CCNB2: variants seen among roughly 807,000 people sequenced by gnomAD.
CCNB2 encodes G2/mitotic-specific cyclin-B2.
A neutral mutation model predicts 51.1 loss-of-function variants in CCNB2; 39 were observed. The observed-to-expected ratio is 0.76, with a 90% CI of 0.59 to 1.00. The LOEUF is 1.00. CCNB2 is among the 50% of genes least tolerant of loss of function. CCNB2 has a pLI of 0.00. For synonymous variants in CCNB2, 174 were observed against 165.5 expected (o/e 1.05, Z -0.40); for missense variants, 472 against 470.3 (o/e 1.00, Z -0.03).
At chr15:59,110,471 G>C (rs182562429) in intron 3 of CCNB2, among the ~76,000 whole-genome samples, 271 of 152,328 alleles carry the variant, frequency 1.8e-3, no homozygotes, top group Middle Eastern at 6.8e-3. Flanking sequence ...CTCTCTGCCT[G>C]CCTGTCTCTG....
At chr15:59,123,322 C>G (rs2079311280) in intron 7 of CCNB2, among the ~76,000 whole-genome samples, 195 bp from the exon 8 acceptor site, 1 of 152,204 alleles carries the variant, frequency 6.6e-6, no homozygotes, top group Non-Finnish European at 1.5e-5. Context: ...AATCATCTTG[C>G]ATTTACCAGC....
At chr15:59,119,476 A>C (rs1043881392) in intron 7 of CCNB2, among the ~76,000 whole-genome samples, 1 of 141,238 alleles carries the variant, frequency 7.1e-6, no homozygotes. Flanking sequence ...AAAAAAAAAA[A>C]ACAAATCTGT....
chr15:59,116,905 G>T lies in CCNB2; in HGVS notation c.813G>T (p.Arg271Ser). Reference sequence around the variant, plus strand: ...GACCCTTGCCACTACACTTCTTAAGGCGAGCATCAAAAGCCGGGGAGGTAA... The same window carrying T: ...GACCCTTGCCACTACACTTCTTAAGTCGAGCATCAAAAGCCGGGGAGGTAA... ...LGRPLPLHFL[R>S]RASKAGEVDV... The change falls in exon 6 of 9, where the codon AGG becomes AGT. Residue 271 changes from arginine to serine, a missense_variant. Transcript: ENST00000288207. 6.2e-7 allele frequency: 1 copy of T among 1,613,748 alleles called. No homozygotes were observed. The highest frequency in any genetic ancestry group is 1.3e-5 in the African/African-American group (1 of 75,010).
intron 7 of CCNB2, among the ~76,000 whole-genome samples, chr15:59,121,772 A>G (rs1322950809): frequency 6.6e-6 from 1 of 151,984 alleles, no homozygotes; most frequent in African/African-American, 2.4e-5. Context: ...TCTCTATTAA[A>G]AATACAAAAA....
At chr15:59,107,701 A>C in intron 3 of CCNB2, 31 bp downstream of exon 3, 1 of 1,564,282 alleles carries the variant, frequency 6.4e-7, no homozygotes, top group East Asian at 2.2e-5. Flanking sequence ...AAACGTATTT[A>C]ATGAGGTAGC....
At chr15:59,122,718 T>C (rs1596333319) in intron 7 of CCNB2, among the ~76,000 whole-genome samples, 1 of 152,058 alleles carries the variant, frequency 6.6e-6, no homozygotes, top group African/African-American at 2.4e-5. Context: ...TCATTTTTCA[T>C]AGAGATAGGG....
At chr15:59,123,661 C>G (rs757301982) in intron 8 of CCNB2, 34 bp downstream of exon 8, 4 of 1,162,242 alleles carry the variant, frequency 3.4e-6, no homozygotes, top group Non-Finnish European at 5.0e-6. Context: ...CTGTGGAAAG[C>G]TTTAGGTTCT....
At chr15:59,106,638 T>C (rs914409774) in intron 1 of CCNB2, among the ~76,000 whole-genome samples, 6 of 152,238 alleles carry the variant, frequency 3.9e-5, no homozygotes, top group Admixed American at 1.3e-4. Context: ...CTGACAATTT[T>C]TATTTCATAC....
At chr15:59,110,174 T>A (rs1018175504) in intron 3 of CCNB2, among the ~76,000 whole-genome samples, 1 of 152,124 alleles carries the variant, frequency 6.6e-6, no homozygotes, top group Non-Finnish European at 1.5e-5. Flanking sequence ...CCTCCATAAC[T>A]TCATCCTTTT....
chr15:59,107,590 A>G lies in CCNB2; in HGVS notation c.187A>G (p.Thr63Ala), dbSNP rs2079241288. The G allele has an allele frequency of 1.9e-6, 3 of 1,614,062 alleles. No individual in the cohort carries two copies. The highest frequency in any genetic ancestry group is 1.7e-5 in the Admixed American group (1 of 60,000). ...AQNTKVPVQPTKTTNVNKQLK... is the reference protein window; with the variant it reads ...AQNTKVPVQPAKTTNVNKQLK... The stretch of plus-strand genomic sequence containing the variant: ...GAACACCAAAGTTCCAGTTCAACCC[A>G]CCAAAACAACAAATGTCAACAAACA... Residue 63 changes from threonine (T) to alanine (A), a missense_variant, in exon 3 of 9, where the codon ACC (threonine) becomes GCC (alanine). By Grantham distance (58) the Thr-to-Ala change is moderately conservative (BLOSUM62 0). Coordinates refer to ENST00000288207, the MANE Select transcript of CCNB2 (RefSeq NM_004701.4).
At position 59,125,042 on chromosome 15, in the gene CCNB2, G is replaced by GGATAC; in HGVS notation, c.*166_*167insATACG. 2.1e-6 allele frequency: 1 copy of GGATAC among 472,922 alleles called. No individual in the cohort carries two copies. Among genetic ancestry groups the GGATAC allele is most frequent in the Non-Finnish European group, 3.7e-6 (1 of 268,544 alleles). 29.3% of individuals were successfully genotyped at this position (472,922 alleles called of 1,614,324 possible). A position where few individuals can be genotyped will look rare whatever the true frequency, so the allele number is the denominator to read the frequency against. The stretch of plus-strand genomic sequence containing the variant: ...AAATAAAGCGATTGGTTTTTCTTAA[G>GGATAC]GTATCCCATGTGTATTTATTTGTGT... On this transcript the variant is annotated 3_prime_UTR_variant, in exon 9 of 9. Transcript: ENST00000288207.
intron 3 of CCNB2, among the ~76,000 whole-genome samples, chr15:59,111,888 CTG>C (rs1486052939): frequency 2.1e-5 from 3 of 143,366 alleles, no homozygotes; most frequent in African/African-American, 8.0e-5. Flanking sequence ...GAGTCTCACT[CTG>C]TCTCTAGGCT....
At position 59,123,498 on chromosome 15, in the gene CCNB2, T is replaced by G. The variant is rs142416074; in HGVS notation, c.976-19T>G. On this transcript the variant is annotated intron_variant, in intron 7 of 8. Coordinates refer to ENST00000288207, the MANE Select transcript of CCNB2 (RefSeq NM_004701.4). ...CTTGCCCCTCAGTCATGTCTGTCTGTCTGCTTCTTGTGTTTCAGAACTTAA... is the reference window on the plus strand; with the variant it reads ...CTTGCCCCTCAGTCATGTCTGTCTGGCTGCTTCTTGTGTTTCAGAACTTAA... 1 of 1,468,714 alleles carries G rather than the reference T, an allele frequency of 6.8e-7. No homozygotes were observed. The highest frequency in any genetic ancestry group is 1.1e-5 in the South Asian group (1 of 87,984). The allele number at this position is 1,468,714 out of a possible 1,614,324, so 91.0% of individuals were successfully genotyped here. A position where few individuals can be genotyped will look rare whatever the true frequency, so the allele number is the denominator to read the frequency against.
intron 7 of CCNB2, among the ~76,000 whole-genome samples, chr15:59,121,722 A>G (rs1249873754): frequency 2.0e-5 from 3 of 152,088 alleles, no homozygotes; most frequent in Non-Finnish European, 4.4e-5. Flanking sequence ...ACTTGAGGCC[A>G]GGAGTTTGAG....
At chr15:59,114,139 G>A (rs2079268685) in intron 3 of CCNB2, among the ~76,000 whole-genome samples, 1 of 152,226 alleles carries the variant, frequency 6.6e-6, no homozygotes, top group Non-Finnish European at 1.5e-5. Context: ...GAGTGAAGCA[G>A]TCAAGGGAGA....
Position 59,114,748 on chromosome 15 carries a change from G to T in CCNB2, c.469G>T (p.Asp157Tyr), listed in dbSNP as rs1188492078. The change falls in exon 5 of 9, where the codon GAT (aspartate) becomes TAT (tyrosine). Residue 157 changes from aspartate (D) to tyrosine (Y), a missense_variant. Coordinates refer to ENST00000288207, the MANE Select transcript of CCNB2 (RefSeq NM_004701.4). ...GCAGTCCATAAACCCACATTTCTTA[G>T]ATGGAAGAGATATAAATGGACGCAT... is the stretch of plus-strand genomic sequence containing the variant. ...VLQSINPHFL[D>Y]GRDINGRMRA... 1.9e-6 allele frequency: 3 copies of T among 1,613,394 alleles called. No homozygotes were observed. Among genetic ancestry groups the T allele is most frequent in the Non-Finnish European group, 2.5e-6 (3 of 1,179,550 alleles).
intron 3 of CCNB2, 74 bp downstream of exon 3, chr15:59,107,744 T>C: frequency 9.1e-7 from 1 of 1,095,694 alleles, no homozygotes; most frequent in South Asian, 1.3e-5. Flanking sequence ...GGTGCCTTTA[T>C]CATTGCTGTA....
intron 3 of CCNB2, among the ~76,000 whole-genome samples, chr15:59,113,519 T>C (rs28383521): frequency 0.011 from 1,724 of 152,244 alleles, 39 homozygotes; most frequent in African/African-American, 0.04. Context: ...ATATAAACTA[T>C]AGAATTTTAG....
chr15:59,111,055 G>C (rs1815670791), intron 3 of CCNB2, among the ~76,000 whole-genome samples: 2 of 152,244 alleles, frequency 1.3e-5, no homozygotes. Flanking sequence ...GTCATAGCTA[G>C]AACAGATTAC....
Sources: allele counts gnomAD v4.1 joint callset (sites outside exome capture counted in the v4.1 genomes callset), GRCh38; gene constraint gnomAD v4.1.1; transcripts MANE v1.5; gene names NCBI Gene and HGNC (gene_info 2026-07-23, HGNC 2026-07-21).